PFAS: variants seen among roughly 807,000 people sequenced by gnomAD.
PFAS encodes FGAM synthase.
In PFAS, 97 loss-of-function variants were observed where a neutral mutation model predicts 140.6. The observed-to-expected ratio is 0.69, with a 90% confidence interval of 0.59 to 0.82. The LOEUF (loss-of-function observed/expected upper bound fraction) is 0.82, where lower values mean the gene tolerates loss of function less well. Among genes scored for constraint, PFAS ranks in the 40% least tolerant of loss-of-function variants. The probability of loss-of-function intolerance (pLI) is 0.00; values close to 1 mark genes in which losing one functional copy is unlikely to be tolerated. For missense variants in PFAS, 1,656 were observed against 1,780.2 expected (o/e 0.93, Z 1.26); for synonymous variants, 679 against 718.8 (o/e 0.94, Z 0.88).
chr17:8,256,522 A>G lies in PFAS; in HGVS notation c.822-2A>G, dbSNP rs1184764869. ...CAAGGTCCATGACGGGTATGTCCAC[A>G]GTGCAATCCAGGGAAAGGAAGTCCG... On this transcript the variant is annotated splice_acceptor_variant, in intron 7 of 27. Coordinates refer to ENST00000314666, the MANE Select transcript of PFAS (RefSeq NM_012393.3). LOFTEE classifies it high-confidence loss of function. 6.2e-7 allele frequency: 1 copy of G among 1,614,058 alleles called. No individual in the cohort carries two copies. Among genetic ancestry groups the G allele is most frequent in the Non-Finnish European group, 8.5e-7 (1 of 1,180,038 alleles).
Position 8,255,515 on chromosome 17 carries a change from C to T in PFAS, c.398C>T (p.Pro133Leu), listed in dbSNP as rs527250739. ...RRYRLSFAHP[P>L]SAEVEAIALA... is the part of the protein sequence containing the mutation. Reference sequence around the variant, plus strand: ...CTGCACCCCTAGTTTGCCCACCCCCCGTCAGCTGAGGTGGAAGCCATTGCT... The same window carrying T: ...CTGCACCCCTAGTTTGCCCACCCCCTGTCAGCTGAGGTGGAAGCCATTGCT... Residue 133 changes from proline to leucine, a missense_variant, in exon 5 of 28, where the codon CCG becomes CTG. Pro to Leu is a moderately conservative substitution (Grantham distance 98). Transcript: ENST00000314666. 25 of 1,517,706 alleles carry T rather than the reference C, an allele frequency of 1.6e-5. No individual in the cohort carries two copies. Among genetic ancestry groups the T allele is most frequent in the East Asian group, 6.8e-5 (3 of 43,956 alleles). 94.0% of individuals were successfully genotyped at this position (1,517,706 alleles called of 1,614,324 possible).
chr17:8,263,729 G>C, intron 14 of PFAS, 46 bp from the exon 15 acceptor site: 1 of 1,608,378 alleles, frequency 6.2e-7, no homozygotes, highest in African/African-American at 1.3e-5. Flanking sequence ...TGAGACGTGG[G>C]AGTGCCCACT....
chr17:8,253,840 A>C lies in PFAS; in HGVS notation c.-79-19A>C. On this transcript the variant is annotated intron_variant, in intron 1 of 27. Coordinates refer to ENST00000314666, the MANE Select transcript of PFAS (RefSeq NM_012393.3). ...AGATGTGAGCCACCACGCCCGGCTT[A>C]GTTAATGTTATTTTTTAGGAACCTA... is the stretch of plus-strand genomic sequence containing the variant. 6.7e-7 allele frequency: 1 copy of C among 1,488,622 alleles called. No homozygotes were observed. Among genetic ancestry groups the C allele is most frequent in the Non-Finnish European group, 9.0e-7 (1 of 1,116,654 alleles). The allele number at this position is 1,488,622 out of a possible 1,614,324, so 92.2% of individuals were successfully genotyped here.
At chr17:8,264,642 C>G in intron 17 of PFAS, 41 bp downstream of exon 17, 1 of 1,557,902 alleles carries the variant, frequency 6.4e-7, no homozygotes, top group Non-Finnish European at 8.7e-7. Flanking sequence ...CCTCCTTCCT[C>G]CGCTCAGCCT....
intron 13 of PFAS, 41 bp from the exon 14 acceptor site, chr17:8,263,534 C>T (rs1989678825): frequency 2.6e-6 from 4 of 1,567,466 alleles, no homozygotes; most frequent in Non-Finnish European, 3.5e-6. Flanking sequence ...GTTGCCTGAC[C>T]ACCACTAGGT....
chr17:8,260,444 C>T (rs775013322), intron 11 of PFAS, among the ~76,000 whole-genome samples: 2 of 152,170 alleles, frequency 1.3e-5, no homozygotes, highest in Admixed American at 1.3e-4. Flanking sequence ...TTAATGTTTT[C>T]AGGGGTTATC....
intron 6 of PFAS, 30 bp downstream of exon 6, chr17:8,255,940 T>G (rs753721784): frequency 1.5e-5 from 23 of 1,513,250 alleles, no homozygotes; most frequent in Non-Finnish European, 2.1e-5. Context: ...TTCCCATACC[T>G]GAGCCCATGG....
chr17:8,258,316 T>A, intron 11 of PFAS, 117 bp downstream of exon 11: 2 of 1,117,620 alleles, frequency 1.8e-6, no homozygotes, highest in Non-Finnish European at 2.6e-6. Context: ...TTGGCTTATC[T>A]TATGTGTCAC....
Position 8,266,377 on chromosome 17 carries a change from C to G in PFAS, c.2821+24C>G. 1.2e-6 allele frequency: 2 copies of G among 1,613,748 alleles called. No individual in the cohort carries two copies. The highest frequency in any genetic ancestry group is 1.7e-6 in the Non-Finnish European group (2 of 1,179,838). On this transcript the variant is annotated intron_variant, in intron 22 of 27. Coordinates refer to ENST00000314666, the MANE Select transcript of PFAS (RefSeq NM_012393.3). This position sits in a 1 kb window ranked among gnomAD's most constrained non-coding sequence, Gnocchi z 5.0. ...TGGTAAGGAACCTGGGGTCTAGTCTCAGGCCCGGGCTGCCTTCTCTACCCT... is the reference window on the plus strand; with the variant it reads ...TGGTAAGGAACCTGGGGTCTAGTCTGAGGCCCGGGCTGCCTTCTCTACCCT...
At chr17:8,268,902 A>G (rs768251883) in intron 27 of PFAS, 46 bp downstream of exon 27, 2 of 1,611,676 alleles carry the variant, frequency 1.2e-6, no homozygotes, top group South Asian at 1.1e-5. Flanking sequence ...GTTGGGGGCA[A>G]GGGTGGGCAT....
In PFAS at chr17:8,258,130, C is replaced by CT; in HGVS notation, c.1267_1268insT (p.Pro423LeufsTer5). On this transcript the variant is annotated frameshift_variant, in exon 11 of 28. Transcript: ENST00000314666. LOFTEE classifies it high-confidence loss of function. ...CGGCCAGCGGCGTGAGTGGATCAAGCCCATCATGTTTAGTGGGGGCATTGG... is the reference window on the plus strand; with the variant it reads ...CGGCCAGCGGCGTGAGTGGATCAAGCTCCATCATGTTTAGTGGGGGCATTGG... 6.2e-7 allele frequency: 1 copy of CT among 1,614,098 alleles called. No individual in the cohort carries two copies. The highest frequency in any genetic ancestry group is 1.3e-5 in the African/African-American group (1 of 75,044).
Position 8,268,934 on chromosome 17 carries a change from C to T in PFAS, c.3707-20C>T. 3 of 1,613,682 alleles carry T rather than the reference C, an allele frequency of 1.9e-6. No homozygotes were observed. Among genetic ancestry groups the T allele is most frequent in the Non-Finnish European group, 2.5e-6 (3 of 1,179,696 alleles). ...GCATGAAGGACCTTGGCTCTCACTTCCCTCCTCCTTCCATCCCAGGTTACG... is the reference window on the plus strand; with the variant it reads ...GCATGAAGGACCTTGGCTCTCACTTTCCTCCTCCTTCCATCCCAGGTTACG... On this transcript the variant is annotated intron_variant, in intron 27 of 27. Coordinates refer to ENST00000314666, the MANE Select transcript of PFAS (RefSeq NM_012393.3).
intron 3 of PFAS, 40 bp from the exon 4 acceptor site, chr17:8,254,987 C>CGGGG: frequency 6.9e-7 from 1 of 1,443,494 alleles, no homozygotes; most frequent in Non-Finnish European, 9.8e-7. Flanking sequence ...TGAGGCCTGC[C>CGGGG]GGGGGTTCTC....
In PFAS at chr17:8,250,404, A is replaced by T. The variant is rs965718615; in HGVS notation, c.-80+1065A>T. ...TACTTGAACTAGAGTGAGGTAGTAG[A>T]GATGAAGAGATGAGAGATTTGAGAC... On this transcript the variant is annotated intron_variant, in intron 1 of 27. Transcript: ENST00000314666. Among the ~76,000 whole-genome samples the T allele has an allele frequency of 2.0e-5, 3 of 152,340 alleles. No individual in the cohort carries two copies. The East Asian group carries it at 5.8e-4, about 29-fold the overall frequency.
chr17:8,258,147 G>T lies in PFAS; in HGVS notation c.1284G>T (p.Gly428=). The change falls in exon 11 of 28, where the codon GGG becomes GGT. Residue 428 remains glycine, a synonymous_variant. Coordinates refer to ENST00000314666, the MANE Select transcript of PFAS (RefSeq NM_012393.3). The part of the protein sequence containing the change: ...REWIKPIMFS[G]GIGSMEADHI... ...GGATCAAGCCCATCATGTTTAGTGG[G>T]GGCATTGGGTCCATGGAAGCTGACC... 6.2e-7 allele frequency: 1 copy of T among 1,614,116 alleles called. No individual in the cohort carries two copies. The highest frequency in any genetic ancestry group is 8.5e-7 in the Non-Finnish European group (1 of 1,180,020).
At chr17:8,257,317 G>T (rs932634167) in intron 9 of PFAS, among the ~76,000 whole-genome samples, 12 of 152,188 alleles carry the variant, frequency 7.9e-5, no homozygotes, top group African/African-American at 2.4e-4. Context: ...AGCACTTTGG[G>T]AGGCTGAGGT....
At chr17:8,251,190 G>A (rs896231186) in intron 1 of PFAS, among the ~76,000 whole-genome samples, 7 of 152,166 alleles carry the variant, frequency 4.6e-5, no homozygotes, top group Admixed American at 2.0e-4. Flanking sequence ...GGAGACCGAG[G>A]CAGGAGAATC....
rs576210095 is a variant in PFAS, at chr17:8,260,412, T to C, written c.1336+2213T>C. ...GAATCATACAATATGCGGCCTTTTGTGTCTGCCTTCTTTCACTTAGCTTAA... is the reference window on the plus strand; with the variant it reads ...GAATCATACAATATGCGGCCTTTTGCGTCTGCCTTCTTTCACTTAGCTTAA... On this transcript the variant is annotated intron_variant, in intron 11 of 27. Coordinates refer to ENST00000314666, the MANE Select transcript of PFAS (RefSeq NM_012393.3). 2.0e-5 allele frequency among the ~76,000 whole-genome samples: 3 copies of C among 152,328 alleles called. 1 individual carries two copies. The South Asian group carries it at 6.2e-4, about 32-fold the overall frequency.
intron 11 of PFAS, among the ~76,000 whole-genome samples, chr17:8,259,544 G>A (rs62063138): frequency 0.12 from 17,616 of 152,120 alleles, 1,635 homozygotes; most frequent in African/African-American, 0.25. Flanking sequence ...CACTTTGGGA[G>A]GCCAAGGCAG....
Sources: allele counts gnomAD v4.1 joint callset (sites outside exome capture counted in the v4.1 genomes callset), GRCh38; gene constraint gnomAD v4.1.1; non-coding constraint Gnocchi (gnomAD v3.1); transcripts MANE v1.5; gene names NCBI Gene and HGNC (gene_info 2026-07-23, HGNC 2026-07-21).